Variants in LRP1B observed in about 807,000 individuals in gnomAD.
LRP1B encodes the protein low-density lipoprotein receptor-related protein 1B.
In LRP1B, 217 loss-of-function variants were observed where a neutral mutation model predicts 556.6. The ratio of observed to expected loss-of-function variants is 0.39; its 90% CI spans 0.35 to 0.44. The LOEUF is 0.44. Ranked by LOEUF, LRP1B falls within the 20% of genes least tolerant of loss-of-function variation. The probability of loss-of-function intolerance (pLI) is 1.00; values close to 1 mark genes in which losing one functional copy is unlikely to be tolerated. For synonymous variants in LRP1B, 2,047 were observed against 1,865.8 expected, an observed-to-expected ratio of 1.10 and a Z score of -2.50; for missense variants, 5,053 against 5,620.8, an observed-to-expected ratio of 0.90 and a Z score of 3.23.
At chr2:141,956,143 G>A (rs1010760380) in intron 1 of LRP1B, among the ~76,000 whole-genome samples, 1 of 151,892 alleles carries the variant, frequency 6.6e-6, no homozygotes, top group Non-Finnish European at 1.5e-5. Flanking sequence ...AATTTTTTTT[G>A]AGTATGCATG....
chr2:141,278,575 G>C (rs1405902918), intron 3 of LRP1B, among the ~76,000 whole-genome samples: 6 of 152,112 alleles, frequency 3.9e-5, no homozygotes, highest in African/African-American at 1.4e-4. Flanking sequence ...TAGGAAGAAA[G>C]ATTAGTGTAA....
At chr2:140,596,985 T>C (rs1377458382) in intron 43 of LRP1B, among the ~76,000 whole-genome samples, 1 of 152,160 alleles carries the variant, frequency 6.6e-6, no homozygotes, top group Non-Finnish European at 1.5e-5. Flanking sequence ...CTGCACAAAG[T>C]CTTTAAAACA....
chr2:141,788,226 C>G (rs962962156), intron 2 of LRP1B, among the ~76,000 whole-genome samples: 1 of 151,948 alleles, frequency 6.6e-6, no homozygotes, highest in Non-Finnish European at 1.5e-5. Flanking sequence ...AGCTACACAC[C>G]GTCTGAAATC....
At chr2:141,025,727 T>C (rs1525593) in intron 11 of LRP1B, among the ~76,000 whole-genome samples, 149,911 of 152,140 alleles carry the variant, frequency 0.99, 73,898 homozygotes, top group Middle Eastern at 1. Context: ...TAATAAATCT[T>C]TTTTTCTCTG....
At chr2:140,396,723 T>A (rs1277635422) in intron 66 of LRP1B, among the ~76,000 whole-genome samples, 1 of 152,222 alleles carries the variant, frequency 6.6e-6, no homozygotes, top group Non-Finnish European at 1.5e-5. Context: ...TGAATTGTAC[T>A]GTCAACTTTA....
Position 142,032,726 on chromosome 2 carries a change from G to C in LRP1B, c.82+97922C>G, listed in dbSNP as rs376872750. Among the ~76,000 whole-genome samples the C allele has an allele frequency of 1.8e-4, 27 of 151,860 alleles. No individual in the cohort carries two copies. The East Asian group carries it at 4.1e-3, about 23-fold the overall frequency. Reference sequence around the variant, plus strand: ...GGCTTCCCTTTGTAGAGAATATCGAGGCTGTTCAGTTTCAAAATTTAGGGA... The same window carrying C: ...GGCTTCCCTTTGTAGAGAATATCGACGCTGTTCAGTTTCAAAATTTAGGGA... On this transcript the variant is annotated intron_variant, in intron 1 of 90. Transcript: ENST00000389484.
chr2:141,579,631 A>C (rs926025955), intron 2 of LRP1B, among the ~76,000 whole-genome samples: 1 of 151,506 alleles, frequency 6.6e-6, no homozygotes, highest in African/African-American at 2.4e-5. Context: ...AATTAATAAA[A>C]TTTGGTGTTG....
At chr2:140,318,686 G>C (rs768219876) in intron 82 of LRP1B, among the ~76,000 whole-genome samples, 4 of 152,058 alleles carry the variant, frequency 2.6e-5, no homozygotes, top group African/African-American at 9.7e-5. Flanking sequence ...GGGTGACACA[G>C]AGATACTGGG....
chr2:140,859,449 T>C (rs1231590537), intron 27 of LRP1B, among the ~76,000 whole-genome samples: 1 of 152,158 alleles, frequency 6.6e-6, no homozygotes, highest in Non-Finnish European at 1.5e-5. Context: ...TTATAGATGT[T>C]GTCAAGAAAA....
At chr2:140,537,273 C>G (rs16844181) in intron 45 of LRP1B, among the ~76,000 whole-genome samples, 3,587 of 149,548 alleles carry the variant, frequency 0.024, 49 homozygotes, top group African/African-American at 0.033. Flanking sequence ...TAAATGAACT[C>G]TGTACATACT....
Position 140,235,706 on chromosome 2 carries a change from C to T in LRP1B, c.13561-822G>A, listed in dbSNP as rs549964495. Among the ~76,000 whole-genome samples the T allele has an allele frequency of 9.3e-5, 14 of 151,072 alleles. No individual in the cohort carries two copies. In the East Asian group the frequency reaches 2.8e-3, roughly 30 times the overall value. ...TGGGGGCACTGAAACATAGTTTTAT[C>T]TTCCTAGAGTAAATGTGAAAATTTT... is the stretch of plus-strand genomic sequence containing the variant. On this transcript the variant is annotated intron_variant, in intron 89 of 90. Transcript: ENST00000389484.
intron 7 of LRP1B, among the ~76,000 whole-genome samples, chr2:141,158,034 T>C (rs1433507834): frequency 6.6e-6 from 1 of 152,154 alleles, no homozygotes; most frequent in Non-Finnish European, 1.5e-5. Flanking sequence ...TTTTAATGTG[T>C]TTATTTATGG....
At chr2:141,510,909 C>CACACACACACACACA (rs70994436) in intron 2 of LRP1B, among the ~76,000 whole-genome samples, 10 of 138,928 alleles carry the variant, frequency 7.2e-5, no homozygotes, top group Non-Finnish European at 1.4e-4. Context: ...CACACACACA[C>CACACACACACACACA]CCCACACAAA....
intron 7 of LRP1B, among the ~76,000 whole-genome samples, chr2:141,083,797 C>T (rs1574056846): frequency 1.3e-5 from 2 of 152,160 alleles, no homozygotes; most frequent in African/African-American, 4.8e-5. Flanking sequence ...GACTCTGCAG[C>T]GAGTCCTCAT....
At position 141,184,725 on chromosome 2, in the gene LRP1B, G is replaced by A. The variant is rs895064239; in HGVS notation, c.1013+3696C>T. ...CTTATCAATATGTCTTTTATTATAG[G>A]TGCCTCAGCCAAAGTGCAGCGATGG... On this transcript the variant is annotated intron_variant, in intron 7 of 90. Coordinates refer to ENST00000389484, the MANE Select transcript of LRP1B (RefSeq NM_018557.3). Among the ~76,000 whole-genome samples the A allele has an allele frequency of 2.0e-5, 3 of 149,082 alleles. No homozygotes were observed. In the East Asian group the frequency reaches 6.0e-4, roughly 30 times the overall value.
intron 41 of LRP1B, among the ~76,000 whole-genome samples, chr2:140,650,315 TTA>T (rs1413894743): frequency 1.6e-4 from 2 of 12,410 alleles, no homozygotes; most frequent in African/African-American, 4.1e-4. Context: ...TTATTTTTAT[TTA>T]TTTATTTATT....
At chr2:142,033,744 C>T (rs1703783233) in intron 1 of LRP1B, among the ~76,000 whole-genome samples, 1 of 151,666 alleles carries the variant, frequency 6.6e-6, no homozygotes, top group Admixed American at 6.6e-5. Context: ...CTAATAAAGT[C>T]AAATTGCAAA....
intron 3 of LRP1B, among the ~76,000 whole-genome samples, chr2:141,292,896 G>A (rs1343346727): frequency 1.3e-5 from 2 of 152,122 alleles, no homozygotes; most frequent in African/African-American, 4.8e-5. Context: ...AATAATGCAT[G>A]AACTTTAGTT....
chr2:140,560,697 C>T (rs984490596), intron 43 of LRP1B, among the ~76,000 whole-genome samples: 5 of 152,072 alleles, frequency 3.3e-5, no homozygotes, highest in African/African-American at 9.7e-5. Flanking sequence ...AAATTCTACC[C>T]TGACTTATCT....
Sources: allele counts gnomAD v4.1 joint callset (sites outside exome capture counted in the v4.1 genomes callset), GRCh38; gene constraint gnomAD v4.1.1; transcripts MANE v1.5; gene names NCBI Gene and HGNC (gene_info 2026-07-23, HGNC 2026-07-21).